PHYHIPL: variants seen among roughly 807,000 people sequenced by gnomAD.
PHYHIPL encodes phytanoyl-CoA 2-hydroxylase interacting protein like, also known as phytanoyl-CoA hydroxylase-interacting protein-like.
In PHYHIPL, 9 loss-of-function variants were observed where a neutral mutation model predicts 33.4. The observed-to-expected ratio is 0.27, with a 90% CI of 0.16 to 0.47. The LOEUF is 0.47. Among genes scored for constraint, PHYHIPL ranks in the 20% least tolerant of loss-of-function variants. PHYHIPL has a pLI of 0.99. For missense variants in PHYHIPL, 365 were observed against 460.7 expected (o/e 0.79, Z 1.90); for synonymous variants, 153 against 154.1 (o/e 0.99, Z 0.05).
rs1840824702 is a variant in PHYHIPL at position 59,247,576 on chromosome 10, AT to A, written c.*1986del. On this transcript the variant is annotated 3_prime_UTR_variant, in exon 5 of 5. Coordinates refer to ENST00000373880, the MANE Select transcript of PHYHIPL (RefSeq NM_032439.4). ...GGCAGAGGAAAATAAACTTTACTTT[AT>A]ATCATGGGTGAAAGTGATCATAACA... The A allele has an allele frequency of 6.2e-7, 1 of 1,611,756 alleles. No individual in the cohort carries two copies. Among genetic ancestry groups the A allele is most frequent in the Admixed American group, 1.7e-5 (1 of 59,834 alleles).
At chr10:59,191,484 C>G (rs1407692483) in intron 1 of PHYHIPL, among the ~76,000 whole-genome samples, 1 of 152,020 alleles carries the variant, frequency 6.6e-6, no homozygotes, top group East Asian at 1.9e-4. Context: ...ACTTCAGTCA[C>G]TGTATGTTTT....
intron 1 of PHYHIPL, among the ~76,000 whole-genome samples, chr10:59,185,230 T>A (rs1449736156): frequency 6.6e-6 from 1 of 152,078 alleles, no homozygotes; most frequent in African/African-American, 2.4e-5. Context: ...GACCTCGTGA[T>A]CCGCCCGCCT....
At chr10:59,191,682 A>G (rs559213402) in intron 1 of PHYHIPL, among the ~76,000 whole-genome samples, 1 of 152,134 alleles carries the variant, frequency 6.6e-6, no homozygotes, top group South Asian at 2.1e-4. Context: ...CATTTTGAAC[A>G]TAGTTGCCAC....
chr10:59,221,749 T>A (rs11006402), intron 1 of PHYHIPL: 149,175 of 905,474 alleles, frequency 0.16, 13,706 homozygotes, highest in African/African-American at 0.35. Flanking sequence ...AAAGCTCAAA[T>A]CTCTAAAATC....
chr10:59,186,452 C>A (rs1342267693), intron 1 of PHYHIPL, among the ~76,000 whole-genome samples: 1 of 152,094 alleles, frequency 6.6e-6, no homozygotes, highest in Non-Finnish European at 1.5e-5. Flanking sequence ...AATGTGGGCT[C>A]TTTTTTGGTT....
chr10:59,175,216 A>C (rs192653301), upstream of PHYHIPL, among the ~76,000 whole-genome samples: 4 of 152,352 alleles, frequency 2.6e-5, no homozygotes, highest in East Asian at 5.8e-4. Flanking sequence ...AATTCTTTCA[A>C]ACTTCAAAAA....
chr10:59,179,883 ACACT>A (rs1346622540), intron 1 of PHYHIPL, among the ~76,000 whole-genome samples: 1 of 139,926 alleles, frequency 7.1e-6, no homozygotes, highest in East Asian at 2.3e-4. Context: ...ACACACACAC[ACACT>A]ACCTCATGGA....
chr10:59,173,924 T>G (rs1301354359), upstream of PHYHIPL, among the ~76,000 whole-genome samples: 1 of 75,004 alleles, frequency 1.3e-5, no homozygotes, highest in African/African-American at 9.9e-5. Context: ...TTCTGAGGTT[T>G]TTTTTTTTTT....
At chr10:59,228,974 G>A (rs1475934602) in intron 1 of PHYHIPL, among the ~76,000 whole-genome samples, 1 of 152,080 alleles carries the variant, frequency 6.6e-6, no homozygotes, top group African/African-American at 2.4e-5. Flanking sequence ...AAGGAGCAAT[G>A]GTGCCCAGAA....
At chr10:59,201,661 T>C (rs958556575) in intron 1 of PHYHIPL, among the ~76,000 whole-genome samples, 3 of 152,140 alleles carry the variant, frequency 2.0e-5, no homozygotes, top group Admixed American at 2.0e-4. Flanking sequence ...CCAATCCTAA[T>C]GTGGTATGAT....
chr10:59,217,400 CTA>C lies in PHYHIPL; in HGVS notation c.107-16902_107-16901del, dbSNP rs1187527812. Among the ~76,000 whole-genome samples the C allele has an allele frequency of 8.6e-5, 13 of 151,962 alleles. No individual in the cohort carries two copies. In the East Asian group the frequency reaches 2.3e-3, roughly 27 times the overall value. ...AATAAAATGACTAATTTGTCAATAA[CTA>C]TTATGTATATATTTTTAAGATGCAA... is the stretch of plus-strand genomic sequence containing the variant. On this transcript the variant is annotated intron_variant, in intron 1 of 4. Transcript: ENST00000373880.
At chr10:59,197,938 T>C (rs987727913) in intron 1 of PHYHIPL, among the ~76,000 whole-genome samples, 2 of 152,208 alleles carry the variant, frequency 1.3e-5, no homozygotes, top group African/African-American at 4.8e-5. Flanking sequence ...AGGGTTGTGC[T>C]TGAGGCTTGA....
intron 1 of PHYHIPL, among the ~76,000 whole-genome samples, chr10:59,215,921 C>G (rs890541872): frequency 1.3e-5 from 2 of 151,884 alleles, no homozygotes; most frequent in Non-Finnish European, 2.9e-5. Flanking sequence ...ATGGTTGCAG[C>G]ATCTGGGCAT....
chr10:59,191,562 A>G lies in PHYHIPL; in HGVS notation c.106+14603A>G, dbSNP rs142598198. Among the ~76,000 whole-genome samples the G allele has an allele frequency of 2.8e-4, 43 of 152,104 alleles. 1 individual carries two copies. In the East Asian group the frequency reaches 7.5e-3, roughly 27 times the overall value. ...GCCAAACTTTGTTATAAAAAACCCAATGAAAAGTTGTCAGTTTTTATCACT... is the reference window on the plus strand; with the variant it reads ...GCCAAACTTTGTTATAAAAAACCCAGTGAAAAGTTGTCAGTTTTTATCACT... On this transcript the variant is annotated intron_variant, in intron 1 of 4. Transcript: ENST00000373880.
At chr10:59,217,015 A>G (rs1176856842) in intron 1 of PHYHIPL, among the ~76,000 whole-genome samples, 2 of 151,984 alleles carry the variant, frequency 1.3e-5, no homozygotes, top group Admixed American at 6.6e-5. Context: ...ACTTTACTTT[A>G]CTATTCTTGG....
intron 1 of PHYHIPL, among the ~76,000 whole-genome samples, chr10:59,216,897 C>G (rs550437226): frequency 6.6e-6 from 1 of 152,110 alleles, no homozygotes; most frequent in Admixed American, 6.6e-5. Flanking sequence ...AAACTATAGT[C>G]TCATTGATTC....
intron 1 of PHYHIPL, among the ~76,000 whole-genome samples, chr10:59,181,837 A>G (rs1194940027): frequency 6.6e-6 from 1 of 151,600 alleles, no homozygotes; most frequent in Non-Finnish European, 1.5e-5. Flanking sequence ...AGAGCAAGTT[A>G]CATCAAAGGA....
Position 59,176,767 on chromosome 10 carries a change from C to G in PHYHIPL, c.-87C>G. 3.3e-6 allele frequency: 4 copies of G among 1,226,292 alleles called. No homozygotes were observed. The highest frequency in any genetic ancestry group is 4.6e-6 in the Non-Finnish European group (4 of 871,844). 76.0% of individuals were successfully genotyped at this position (1,226,292 alleles called of 1,614,324 possible). A position where few individuals can be genotyped will look rare whatever the true frequency, so the allele number is the denominator to read the frequency against. On this transcript the variant is annotated 5_prime_UTR_variant, in exon 1 of 5. Transcript: ENST00000373880. The stretch of plus-strand genomic sequence containing the variant: ...GCCTCCTTCCCTCCCTCTGCCACTC[C>G]CCCTCCCTTTCCCGCTCTTCTTGCC...
In PHYHIPL at chr10:59,238,660, C is replaced by G. The variant is rs1436137202; in HGVS notation, c.551C>G (p.Ser184Cys). The change falls in exon 4 of 5, where the codon TCT becomes TGT. Residue 184 changes from serine to cysteine, a missense_variant. By Grantham distance (112) the Ser-to-Cys change is moderately radical. Coordinates refer to ENST00000373880, the MANE Select transcript of PHYHIPL (RefSeq NM_032439.4). ...ATTGCAGGACGCATGCTTAAGTTTTCTGTTTTTTATCGTAATCAGCACAAA... is the reference window on the plus strand; with the variant it reads ...ATTGCAGGACGCATGCTTAAGTTTTGTGTTTTTTATCGTAATCAGCACAAA... ...EVIAGRMLKFSVFYRNQHKEY... is the reference protein window; with the variant it reads ...EVIAGRMLKFCVFYRNQHKEY... The G allele has an allele frequency of 1.2e-6, 2 of 1,607,480 alleles. No individual in the cohort carries two copies. The highest frequency in any genetic ancestry group is 1.7e-6 in the Non-Finnish European group (2 of 1,174,682).
Sources: allele counts gnomAD v4.1 joint callset (sites outside exome capture counted in the v4.1 genomes callset), GRCh38; gene constraint gnomAD v4.1.1; transcripts MANE v1.5; gene names NCBI Gene and HGNC (gene_info 2026-07-23, HGNC 2026-07-21).